The following FBXO31 variants were observed in gnomAD, a reference collection of about 807,000 sequenced individuals.
FBXO31 encodes the protein F-box protein 31, also known as F-box only protein 31.
Under a neutral mutation model 54.4 loss-of-function variants are expected in FBXO31, and 24 were observed. The observed-to-expected ratio is 0.44, with a 90% CI of 0.32 to 0.62. The LOEUF (loss-of-function observed/expected upper bound fraction) is 0.62. FBXO31 is among the 20% of genes least tolerant of loss of function. The pLI is 0.05. For synonymous variants in FBXO31, 388 were observed against 335.6 expected (o/e 1.16, Z -1.71); for missense variants, 665 against 787.1 (o/e 0.84, Z 1.86).
chr16:87,380,868 A>C (rs1482480060), intron 1 of FBXO31, among the ~76,000 whole-genome samples: 1 of 152,184 alleles, frequency 6.6e-6, no homozygotes, highest in Non-Finnish European at 1.5e-5. Context: ...TAATTCTAAG[A>C]ATTTATTCTG....
intron 1 of FBXO31, among the ~76,000 whole-genome samples, chr16:87,369,565 C>T (rs568094875): frequency 2.0e-5 from 3 of 152,286 alleles, no homozygotes; most frequent in African/African-American, 4.8e-5. Context: ...TGTGTTCATC[C>T]GTTTATTCAT....
intron 1 of FBXO31, among the ~76,000 whole-genome samples, chr16:87,380,056 T>A (rs1474502778): frequency 3.4e-5 from 5 of 147,270 alleles, no homozygotes; most frequent in Non-Finnish European, 7.4e-5. Flanking sequence ...TCCCAGCACT[T>A]TGGGAGGCCG....
chr16:87,333,173 G>A (rs529160610), intron 8 of FBXO31, among the ~76,000 whole-genome samples: 4 of 152,342 alleles, frequency 2.6e-5, no homozygotes, highest in African/African-American at 9.6e-5. Flanking sequence ...CGGTGGCCCA[G>A]ACAAAACTGT....
intron 2 of FBXO31, among the ~76,000 whole-genome samples, chr16:87,350,910 G>C (rs144258657): frequency 5.3e-5 from 8 of 152,352 alleles, no homozygotes; most frequent in Admixed American, 5.2e-4. Context: ...CGAGATGCCA[G>C]TTCTAAAGCG....
intron 3 of FBXO31, among the ~76,000 whole-genome samples, chr16:87,344,143 G>C (rs371388453): frequency 7.2e-5 from 11 of 152,378 alleles, no homozygotes; most frequent in South Asian, 6.2e-4. Flanking sequence ...CCCATGGCCT[G>C]GGCAACAGGC....
At chr16:87,352,419 A>AT (rs1385227625) in intron 2 of FBXO31, among the ~76,000 whole-genome samples, 1 of 152,176 alleles carries the variant, frequency 6.6e-6, no homozygotes, top group African/African-American at 2.4e-5. Flanking sequence ...GACTTGTAAG[A>AT]TTTTAACCCT....
Position 87,333,871 on chromosome 16 carries a change from C to T in FBXO31, c.1397+15G>A. On this transcript the variant is annotated intron_variant, in intron 8 of 8. Transcript: ENST00000311635. The stretch of plus-strand genomic sequence containing the variant: ...CTGTCCCACCTTCAGGCCCCAGTAC[C>T]CGCCGCATCCTTACCACATCCTGCA... 1.3e-6 allele frequency: 2 copies of T among 1,580,586 alleles called. No homozygotes were observed. Among genetic ancestry groups the T allele is most frequent in the Non-Finnish European group, 8.6e-7 (1 of 1,160,486 alleles).
chr16:87,382,024 C>CAA (rs567465446), intron 1 of FBXO31, among the ~76,000 whole-genome samples: 2 of 136,342 alleles, frequency 1.5e-5, no homozygotes, highest in African/African-American at 5.4e-5. Flanking sequence ...GACTCCGTCT[C>CAA]AAAAAAAAAA....
At position 87,343,742 on chromosome 16, in the gene FBXO31, C is replaced by A; in HGVS notation, c.513G>T (p.Gly171=). The A allele has an allele frequency of 1.2e-6, 2 of 1,614,238 alleles. No individual in the cohort carries two copies. Among genetic ancestry groups the A allele is most frequent in the Non-Finnish European group, 1.7e-6 (2 of 1,180,040 alleles). ...NVVVDGLFII[G]WMYLPPHDPH... Reference sequence around the variant, plus strand: ...GGTCATGGGGAGGCAGGTACATCCACCCGATGATGAACAGGCCGTCCACCT... The same window carrying A: ...GGTCATGGGGAGGCAGGTACATCCAACCGATGATGAACAGGCCGTCCACCT... The change falls in exon 4 of 9, where the codon GGG becomes GGT. Residue 171 remains glycine (G), a synonymous_variant. Coordinates refer to ENST00000311635, the MANE Select transcript of FBXO31 (RefSeq NM_024735.5).
intron 1 of FBXO31, among the ~76,000 whole-genome samples, chr16:87,376,276 CTT>C (rs879607258): frequency 2.7e-5 from 4 of 145,550 alleles, no homozygotes; most frequent in African/African-American, 2.5e-5. Flanking sequence ...TTTTTTCTTT[CTT>C]TTTTTTTTTT....
chr16:87,333,125 G>A (rs1486678351), intron 8 of FBXO31, among the ~76,000 whole-genome samples: 1 of 152,144 alleles, frequency 6.6e-6, no homozygotes, highest in Non-Finnish European at 1.5e-5. Flanking sequence ...CATCTATGAG[G>A]AGCAGCCTGA....
At chr16:87,340,080 C>T (rs916792818) in intron 5 of FBXO31, among the ~76,000 whole-genome samples, 1 of 152,090 alleles carries the variant, frequency 6.6e-6, no homozygotes, top group Non-Finnish European at 1.5e-5. Flanking sequence ...GTCAGGAGTT[C>T]GAGACCAACC....
chr16:87,356,804 C>T (rs1905911611), intron 2 of FBXO31, among the ~76,000 whole-genome samples: 1 of 152,132 alleles, frequency 6.6e-6, no homozygotes, highest in Non-Finnish European at 1.5e-5. Flanking sequence ...ACCCATGGGC[C>T]ATCGGGGTGG....
chr16:87,386,558 C>T (rs1376966847), upstream of FBXO31, among the ~76,000 whole-genome samples: 1 of 152,318 alleles, frequency 6.6e-6, no homozygotes, highest in South Asian at 2.1e-4. Flanking sequence ...TCAGCCTCCC[C>T]GAGTAGCTGG....
upstream of FBXO31, among the ~76,000 whole-genome samples, chr16:87,386,997 C>T: frequency 6.6e-6 from 1 of 152,012 alleles, no homozygotes; most frequent in East Asian, 1.9e-4. Context: ...TAGCACTGAC[C>T]ATTTAGAATA....
intron 2 of FBXO31, among the ~76,000 whole-genome samples, chr16:87,350,643 G>A (rs760770889): frequency 6.6e-6 from 1 of 152,028 alleles, no homozygotes; most frequent in Non-Finnish European, 1.5e-5. Flanking sequence ...TGGGCGGCTG[G>A]GTGATAACAA....
At chr16:87,359,836 T>TG (rs1408955915) in intron 2 of FBXO31, among the ~76,000 whole-genome samples, 2 of 152,200 alleles carry the variant, frequency 1.3e-5, no homozygotes, top group South Asian at 2.1e-4. Context: ...GAAACGGGGC[T>TG]GGGGGGCTCA....
chr16:87,360,738 C>T (rs770174411), intron 1 of FBXO31, among the ~76,000 whole-genome samples: 24 of 152,258 alleles, frequency 1.6e-4, no homozygotes, highest in Non-Finnish European at 2.6e-4. Context: ...AAATTCACCA[C>T]TGGTGTTAGG....
chr16:87,348,476 C>A (rs538674985), intron 2 of FBXO31, among the ~76,000 whole-genome samples: 2 of 152,200 alleles, frequency 1.3e-5, no homozygotes, highest in Admixed American at 6.5e-5. Context: ...ACGCCTGGGC[C>A]CCCTAATGGT....
Sources: allele counts gnomAD v4.1 joint callset (sites outside exome capture counted in the v4.1 genomes callset), GRCh38; gene constraint gnomAD v4.1.1; transcripts MANE v1.5; gene names NCBI Gene and HGNC (gene_info 2026-07-23, HGNC 2026-07-21).